COP1: variants seen among roughly 807,000 people sequenced by gnomAD.
COP1 encodes E3 ubiquitin-protein ligase COP1.
COP1 carries 24 observed loss-of-function variants against 101.3 expected under a neutral mutation model. The ratio of observed to expected loss-of-function variants is 0.24; its 90% CI spans 0.17 to 0.33. COP1 has a LOEUF of 0.33. COP1 is among the 10% of genes least tolerant of loss of function. COP1 has a pLI of 1.00. For missense variants in COP1, 663 were observed against 906.2 expected, an observed-to-expected ratio of 0.73 and a Z score of 3.45; for synonymous variants, 347 against 341.9, an observed-to-expected ratio of 1.01 and a Z score of -0.17.
At chr1:176,179,101 G>A (rs1051498366) in intron 2 of COP1, among the ~76,000 whole-genome samples, 2 of 151,948 alleles carry the variant, frequency 1.3e-5, no homozygotes, top group African/African-American at 4.8e-5. Flanking sequence ...ACCAGCCTGG[G>A]CAACATGGTG....
intron 15 of COP1, among the ~76,000 whole-genome samples, chr1:175,993,059 G>C (rs76604110): frequency 0.015 from 2,251 of 152,268 alleles, 19 homozygotes; most frequent in Non-Finnish European, 0.024. Context: ...CCAGAGGAAC[G>C]ATCAGAGAAC....
chr1:175,998,140 G>C (rs1204424353), intron 15 of COP1, among the ~76,000 whole-genome samples: 1 of 139,892 alleles, frequency 7.1e-6, no homozygotes, highest in Non-Finnish European at 1.5e-5. Context: ...CATAAAAAAT[G>C]ATGAGTTCAT....
intron 9 of COP1, among the ~76,000 whole-genome samples, chr1:176,103,286 C>G (rs959193677): frequency 6.6e-6 from 1 of 152,214 alleles, no homozygotes; most frequent in African/African-American, 2.4e-5. Context: ...TAGGATAAGG[C>G]TGGTCAAAAG....
At chr1:176,114,904 C>A (rs1395428389) in intron 9 of COP1, among the ~76,000 whole-genome samples, 7 of 152,028 alleles carry the variant, frequency 4.6e-5, no homozygotes, top group Admixed American at 4.6e-4. Flanking sequence ...TTACATAAGA[C>A]AATATCCTTG....
At position 176,034,198 on chromosome 1, in the gene COP1, CT is replaced by C. The variant is rs531405275; in HGVS notation, c.1613-6511del. Among the ~76,000 whole-genome samples, 22 of 152,278 alleles carry C rather than the reference CT, an allele frequency of 1.4e-4. No individual in the cohort carries two copies. In the South Asian group the frequency reaches 3.5e-3, roughly 24 times the overall value. On this transcript the variant is annotated intron_variant, in intron 14 of 19. Coordinates refer to ENST00000367669, the MANE Select transcript of COP1 (RefSeq NM_022457.7). ...GGGATGAAGAGTACCATTTTTCCCCCTCTCTTCTCCCTTGGCAAGCTAAAGT... is the reference window on the plus strand; with the variant it reads ...GGGATGAAGAGTACCATTTTTCCCCCCTCTTCTCCCTTGGCAAGCTAAAGT...
At chr1:176,080,708 C>T (rs573263144) in intron 11 of COP1, among the ~76,000 whole-genome samples, 7 of 152,272 alleles carry the variant, frequency 4.6e-5, no homozygotes, top group South Asian at 4.1e-4. Flanking sequence ...AATTATAATG[C>T]TAAATCAAGA....
At chr1:175,984,399 G>C (rs1656609990) in intron 18 of COP1, among the ~76,000 whole-genome samples, 1 of 152,204 alleles carries the variant, frequency 6.6e-6, no homozygotes, top group Non-Finnish European at 1.5e-5. Flanking sequence ...ATAAAGAACT[G>C]AGGTTTGGAA....
intron 8 of COP1, among the ~76,000 whole-genome samples, chr1:176,127,415 T>A (rs1688176846): frequency 6.6e-6 from 1 of 152,144 alleles, no homozygotes; most frequent in South Asian, 2.1e-4. Context: ...GTTCAACTTT[T>A]TTAGATTCCG....
rs372893251 is a variant in COP1 at position 175,950,972 on chromosome 1, G to A, written c.2134-3733C>T. Among the ~76,000 whole-genome samples, 62 of 152,244 alleles carry A rather than the reference G, an allele frequency of 4.1e-4. 1 individual carries two copies. Among genetic ancestry groups the A allele is most frequent in the African/African-American group, 1.3e-3 (52 of 41,558 alleles). On this transcript the variant is annotated intron_variant, in intron 18 of 19. Coordinates refer to ENST00000367669, the MANE Select transcript of COP1 (RefSeq NM_022457.7). ...ACAATACATTAAAAATCTGGATGGC[G>A]CTGTGGGTCACACCTGTAATCCCAG... is the stretch of plus-strand genomic sequence containing the variant.
At chr1:175,946,529 G>A (rs572704805) in intron 19 of COP1, among the ~76,000 whole-genome samples, 3 of 152,236 alleles carry the variant, frequency 2.0e-5, no homozygotes, top group African/African-American at 4.8e-5. Context: ...TCAGAAACAC[G>A]TACTCCACCA....
intron 9 of COP1, among the ~76,000 whole-genome samples, chr1:176,086,375 G>A (rs527625299): frequency 2.7e-4 from 41 of 151,688 alleles, no homozygotes; most frequent in African/African-American, 8.5e-4. Context: ...ACAGCCGCCC[G>A]CCACCACGCC....
intron 9 of COP1, among the ~76,000 whole-genome samples, chr1:176,103,205 T>C (rs567851442): frequency 3.9e-5 from 6 of 152,340 alleles, no homozygotes; most frequent in African/African-American, 9.6e-5. Flanking sequence ...TCTTTTGTTA[T>C]TCACAGCAAG....
chr1:176,065,215 G>C (rs1675698456), intron 11 of COP1, among the ~76,000 whole-genome samples: 1 of 152,130 alleles, frequency 6.6e-6, no homozygotes, highest in Non-Finnish European at 1.5e-5. Context: ...TTTAGGTCAA[G>C]TGTTAGTATG....
chr1:175,959,494 G>A (rs1417678382), intron 18 of COP1, among the ~76,000 whole-genome samples: 4 of 151,948 alleles, frequency 2.6e-5, no homozygotes, highest in Admixed American at 1.3e-4. Flanking sequence ...ATAAGTACTG[G>A]AAAAGCAGAC....
At chr1:175,980,063 T>C (rs183047470) in intron 18 of COP1, among the ~76,000 whole-genome samples, 40 of 152,306 alleles carry the variant, frequency 2.6e-4, no homozygotes, top group Non-Finnish European at 5.0e-4. Flanking sequence ...CACCACATTT[T>C]AACATTATAA....
chr1:176,127,279 C>A (rs1308810966), intron 8 of COP1, among the ~76,000 whole-genome samples: 1 of 152,054 alleles, frequency 6.6e-6, no homozygotes, highest in African/African-American at 2.4e-5. Flanking sequence ...CACCTTGTTG[C>A]ACAACAGAAC....
intron 5 of COP1, among the ~76,000 whole-genome samples, chr1:176,151,399 AAGAAAGAAAGAAAGAAAG>A (rs1488090176): frequency 6.8e-6 from 1 of 146,158 alleles, no homozygotes; most frequent in African/African-American, 2.5e-5. Context: ...GAAAGAAAGA[AAGAAAGAAAGAAAGAAAG>A]AAACATATTT....
At chr1:176,134,266 G>T (rs1051014051) in intron 8 of COP1, among the ~76,000 whole-genome samples, 1 of 151,920 alleles carries the variant, frequency 6.6e-6, no homozygotes, top group Non-Finnish European at 1.5e-5. Context: ...AACAGAGAGT[G>T]GATTTAACAA....
At chr1:176,133,692 ACAAT>A (rs951612017) in intron 8 of COP1, among the ~76,000 whole-genome samples, 1 of 151,912 alleles carries the variant, frequency 6.6e-6, no homozygotes, top group Non-Finnish European at 1.5e-5. Context: ...ATAAAATCCA[ACAAT>A]CAGTGAGAGA....
Sources: allele counts gnomAD v4.1 joint callset (sites outside exome capture counted in the v4.1 genomes callset), GRCh38; gene constraint gnomAD v4.1.1; transcripts MANE v1.5; gene names NCBI Gene and HGNC (gene_info 2026-07-23, HGNC 2026-07-21).